SOS1: variants seen among roughly 807,000 people sequenced by gnomAD.
SOS1 encodes the protein son of sevenless homolog 1.
A neutral mutation model predicts 157.6 loss-of-function variants in SOS1; 25 were observed. The ratio of observed to expected loss-of-function variants is 0.16; its 90% confidence interval spans 0.12 to 0.22. The LOEUF (loss-of-function observed/expected upper bound fraction) is 0.22, where lower values mean the gene tolerates loss of function less well. SOS1 is among the 10% of genes least tolerant of loss of function. The probability of loss-of-function intolerance (pLI) is 1.00; values close to 1 mark genes in which losing one functional copy is unlikely to be tolerated. For missense variants in SOS1, 1,237 were observed against 1,599.1 expected (o/e 0.77, Z 3.86); for synonymous variants, 528 against 534.0 (o/e 0.99, Z 0.16).
At chr2:39,013,754 A>C in intron 12 of SOS1, 113 bp downstream of exon 12, 1 of 992,284 alleles carries the variant, frequency 1.0e-6, no homozygotes, top group Non-Finnish European at 1.6e-6. Context: ...AGTAAATTTA[A>C]TTTACTAATT....
rs774915532 is a variant in SOS1, at chr2:38,985,935, G to A, written c.3891C>T (p.Ser1297=). The A allele has an allele frequency of 4.3e-6, 7 of 1,613,856 alleles. No individual in the cohort carries two copies. In the South Asian group the frequency reaches 6.6e-5, roughly 15 times the overall value. ...GGAGTTTAGGGATATGTTGAGAAGT[G>A]CTTTGTCGTGGAGGAACAGGCGGCC... ...IAGPPVPPRQ[S]TSQHIPKLPP... The change falls in exon 23 of 23, where the codon AGC becomes AGT. Residue 1297 remains serine (S), a synonymous_variant. Transcript: ENST00000402219.
intron 8 of SOS1, among the ~76,000 whole-genome samples, chr2:39,033,785 T>C (rs753119133): frequency 6.6e-6 from 1 of 152,178 alleles, no homozygotes; most frequent in African/African-American, 2.4e-5. Context: ...AATCCTCCTG[T>C]CTTAGCCTCC....
rs74258981 is a variant in SOS1, at chr2:39,112,592, G to A, written c.87+7744C>T. Reference sequence around the variant, plus strand: ...GCTGGAATTGCAGGCATGAGCCACCGCACCTGGCTTGCAATTCCTTTCTAA... The same window carrying A: ...GCTGGAATTGCAGGCATGAGCCACCACACCTGGCTTGCAATTCCTTTCTAA... On this transcript the variant is annotated intron_variant, in intron 1 of 22. Transcript: ENST00000402219. Among the ~76,000 whole-genome samples, 185 of 151,872 alleles carry A rather than the reference G, an allele frequency of 1.2e-3. 1 individual carries two copies. The highest frequency in any genetic ancestry group is 8.4e-3 in the South Asian group (40 of 4,770).
At chr2:39,093,076 CT>C (rs1315113757) in intron 1 of SOS1, among the ~76,000 whole-genome samples, 1 of 152,074 alleles carries the variant, frequency 6.6e-6, no homozygotes, top group Non-Finnish European at 1.5e-5. Flanking sequence ...TACAGAAATA[CT>C]TTTTTAAATA....
At chr2:38,999,470 G>T (rs1377683946) in intron 17 of SOS1, among the ~76,000 whole-genome samples, 1 of 152,212 alleles carries the variant, frequency 6.6e-6, no homozygotes, top group African/African-American at 2.4e-5. Flanking sequence ...TGACATCAAT[G>T]CCTGTTTGGT....
chr2:39,102,415 C>T (rs1361599153), intron 1 of SOS1, among the ~76,000 whole-genome samples: 1 of 148,114 alleles, frequency 6.8e-6, no homozygotes. Flanking sequence ...GTCCTAGCTA[C>T]TCAGCTAGAC....
Position 39,103,958 on chromosome 2 carries a change from C to T in SOS1, c.87+16378G>A, listed in dbSNP as rs1382118662. Among the ~76,000 whole-genome samples, 5 of 152,184 alleles carry T rather than the reference C, an allele frequency of 3.3e-5. No individual in the cohort carries two copies. In the East Asian group the frequency reaches 9.7e-4, roughly 29 times the overall value. On this transcript the variant is annotated intron_variant, in intron 1 of 22. Transcript: ENST00000402219. ...ATAATAAGGATCTCCTAAAACTCAACATCAAAAACACAAACAACCAAATTA... is the reference window on the plus strand; with the variant it reads ...ATAATAAGGATCTCCTAAAACTCAATATCAAAAACACAAACAACCAAATTA...
chr2:39,067,498 G>A (rs1402987714), intron 2 of SOS1, 130 bp downstream of exon 2: 1 of 834,828 alleles, frequency 1.2e-6, no homozygotes, highest in Non-Finnish European at 2.1e-6. Flanking sequence ...AACCTGTAAA[G>A]AGTTAAATCC....
intron 2 of SOS1, among the ~76,000 whole-genome samples, chr2:39,063,985 C>A (rs750153922): frequency 6.6e-5 from 10 of 151,936 alleles, no homozygotes; most frequent in Non-Finnish European, 1.3e-4. Flanking sequence ...GGCATGTAGC[C>A]CCATGGCCAG....
At chr2:39,062,541 G>A (rs1438065359) in intron 2 of SOS1, among the ~76,000 whole-genome samples, 16 of 149,070 alleles carry the variant, frequency 1.1e-4, no homozygotes, top group African/African-American at 3.7e-4. Context: ...GAAAGCAGAC[G>A]TTTTACATTT....
At chr2:39,064,084 T>G (rs1054610544) in intron 2 of SOS1, among the ~76,000 whole-genome samples, 5 of 152,266 alleles carry the variant, frequency 3.3e-5, no homozygotes, top group African/African-American at 1.2e-4. Context: ...TCTGCCCACG[T>G]TGCCCTCCCA....
chr2:39,077,679 G>C (rs538239258), intron 1 of SOS1, among the ~76,000 whole-genome samples: 98 of 152,140 alleles, frequency 6.4e-4, no homozygotes, highest in Non-Finnish European at 1.1e-3. Context: ...TACAGATCTT[G>C]TATGAAAATA....
chr2:39,077,529 G>C (rs72799468), intron 1 of SOS1, among the ~76,000 whole-genome samples: 184 of 152,086 alleles, frequency 1.2e-3, no homozygotes, highest in Non-Finnish European at 6.3e-4. Flanking sequence ...GAAGAGCCAA[G>C]AACAACTAAG....
rs1450756140 is a variant in SOS1, at chr2:39,120,501, G to A, written c.-79C>T. The A allele has an allele frequency of 3.0e-6, 4 of 1,346,524 alleles. No individual in the cohort carries two copies. Among genetic ancestry groups the A allele is most frequent in the East Asian group, 6.7e-5 (2 of 29,860 alleles). 83.4% of individuals were successfully genotyped at this position (1,346,524 alleles called of 1,614,324 possible). Reference sequence around the variant, plus strand: ...GGAGCCGCGAGAGGGCGAGCTCGCAGCGCGGAACAGGGCCGCGGCCCCACC... The same window carrying A: ...GGAGCCGCGAGAGGGCGAGCTCGCAACGCGGAACAGGGCCGCGGCCCCACC... On this transcript the variant is annotated 5_prime_UTR_variant, in exon 1 of 23. Transcript: ENST00000402219.
chr2:39,010,424 G>A (rs568807970), intron 15 of SOS1, among the ~76,000 whole-genome samples, 160 bp downstream of exon 15: 26 of 152,028 alleles, frequency 1.7e-4, no homozygotes, highest in Non-Finnish European at 3.2e-4. Flanking sequence ...AGGATCGCTT[G>A]AGCCTGGGAG....
chr2:39,093,517 C>G (rs1431856893), intron 1 of SOS1, among the ~76,000 whole-genome samples: 2 of 152,166 alleles, frequency 1.3e-5, no homozygotes. Context: ...TTTTCACACT[C>G]AACAAATATA....
At chr2:39,011,139 C>T (rs1249548628) in intron 14 of SOS1, among the ~76,000 whole-genome samples, 1 of 152,096 alleles carries the variant, frequency 6.6e-6, no homozygotes, top group Non-Finnish European at 1.5e-5. Flanking sequence ...TCGGATGATC[C>T]ACCCGCCTTG....
chr2:39,006,333 G>GT, intron 17 of SOS1, 79 bp downstream of exon 17: 1 of 809,032 alleles, frequency 1.2e-6, no homozygotes, highest in Non-Finnish European at 2.2e-6. Context: ...TATTACACAT[G>GT]TAATTATTCA....
At chr2:38,989,129 G>A in intron 21 of SOS1, 141 bp downstream of exon 21, 1 of 646,796 alleles carries the variant, frequency 1.5e-6, no homozygotes. Context: ...GATAGCACAA[G>A]TGAAGGCCTC....
Sources: gnomAD v4.1 joint callset for allele counts (sites outside exome capture counted in the v4.1 genomes callset) on GRCh38, gnomAD v4.1.1 for gene constraint, MANE v1.5 for transcripts, NCBI Gene and HGNC (gene_info 2026-07-23, HGNC 2026-07-21) for gene names.